Variants in DMD observed in about 807,000 individuals in gnomAD.
DMD encodes mutant dystrophin.
Under a neutral mutation model 330.1 loss-of-function variants are expected in DMD, and 63 were observed. The observed-to-expected ratio is 0.19, with a 90% CI of 0.16 to 0.24. The LOEUF is 0.24. DMD is among the 10% of genes least tolerant of loss of function. The pLI, the probability that DMD is intolerant of heterozygous loss-of-function variation, is 1.00. For missense variants in DMD, 3,344 were observed against 2,684.1 expected (o/e 1.25, Z -5.43); for synonymous variants, 1,223 against 959.8 (o/e 1.27, Z -5.07).
At chrX:31,158,331 A>C (rs1274165265) in intron 74 of DMD, among the ~76,000 whole-genome samples, 2 of 112,349 alleles carry the variant, frequency 1.8e-5, no homozygotes, top group Non-Finnish European at 3.7e-5. Context: ...ACGCTATGTG[A>C]AAGAAGCCAG....
intron 1 of DMD, among the ~76,000 whole-genome samples, chrX:33,081,929 T>G (rs2148246078): frequency 9.0e-6 from 1 of 110,718 alleles, no homozygotes; most frequent in South Asian, 3.8e-4. Flanking sequence ...GATCCATCTG[T>G]TTTTAATTCC....
intron 47 of DMD, among the ~76,000 whole-genome samples, chrX:31,913,245 A>G (rs67796040): frequency 0.28 from 31,662 of 111,292 alleles, 4,907 homozygotes; most frequent in African/African-American, 0.6. Flanking sequence ...GTTGCATAGC[A>G]TATATAACTG....
intron 1 of DMD, among the ~76,000 whole-genome samples, chrX:33,156,546 T>C (rs1398693940): frequency 8.9e-6 from 1 of 111,861 alleles, no homozygotes; most frequent in African/African-American, 3.3e-5. Flanking sequence ...GGCAGGAAGA[T>C]TTATTGGGGG....
At position 31,907,083 on chromosome X, in the gene DMD, G is replaced by T. The variant is rs765388216; in HGVS notation, c.6912+22513C>A. ...TTCAATTGATATCCATGATCTCCTTGTAAGTACCTGAGTACTGAAGCCAAC... is the reference window on the plus strand; with the variant it reads ...TTCAATTGATATCCATGATCTCCTTTTAAGTACCTGAGTACTGAAGCCAAC... On this transcript the variant is annotated intron_variant, in intron 47 of 78. Transcript: ENST00000357033. Among the ~76,000 whole-genome samples the T allele has an allele frequency of 2.5e-4, 28 of 111,961 alleles. No individual in the cohort carries two copies. The South Asian group carries it at 0.01, about 42-fold the overall frequency.
intron 2 of DMD, among the ~76,000 whole-genome samples, chrX:33,010,530 G>C (rs1291492412): frequency 9.1e-6 from 1 of 110,375 alleles, no homozygotes; most frequent in Non-Finnish European, 1.9e-5. Flanking sequence ...TTTTGGACTT[G>C]AGATGCTCAG....
intron 2 of DMD, among the ~76,000 whole-genome samples, chrX:32,932,129 C>T (rs1006262557): frequency 8.9e-6 from 1 of 112,143 alleles, no homozygotes; most frequent in Non-Finnish European, 1.9e-5. Flanking sequence ...GGGCTATTTC[C>T]GATTTTGGCT....
chrX:31,887,266 T>C (rs1174698997), intron 47 of DMD, among the ~76,000 whole-genome samples: 1 of 112,363 alleles, frequency 8.9e-6, no homozygotes, highest in Non-Finnish European at 1.9e-5. Context: ...TTCATAACTT[T>C]GAAAGTAAGT....
intron 1 of DMD, among the ~76,000 whole-genome samples, chrX:33,046,523 A>T (rs771716303): frequency 1.8e-5 from 2 of 112,014 alleles, no homozygotes; most frequent in South Asian, 7.4e-4. Context: ...AATACTATCA[A>T]CATGTAGAAA....
chrX:32,655,207 C>A (rs2060474028), intron 9 of DMD, among the ~76,000 whole-genome samples: 1 of 111,767 alleles, frequency 8.9e-6, no homozygotes. Context: ...TCTTGCTTCT[C>A]TAGTTCTTTT....
intron 9 of DMD, among the ~76,000 whole-genome samples, chrX:32,694,738 C>T (rs1184502373): frequency 8.9e-6 from 1 of 111,876 alleles, no homozygotes; most frequent in Non-Finnish European, 1.9e-5. Flanking sequence ...CTCACTGCAA[C>T]CTCCACCTCC....
chrX:32,744,168 T>C (rs2069672307), intron 7 of DMD, among the ~76,000 whole-genome samples: 1 of 110,377 alleles, frequency 9.1e-6, no homozygotes, highest in African/African-American at 3.3e-5. Flanking sequence ...GCAACCATCT[T>C]CTAGGAAGGA....
chrX:32,098,618 A>G (rs757242341), intron 44 of DMD, among the ~76,000 whole-genome samples: 4 of 111,847 alleles, frequency 3.6e-5, no homozygotes, highest in Admixed American at 9.5e-5. Context: ...TCCTAGCACA[A>G]TGTTTGGCAC....
At chrX:32,369,341 A>T (rs1040570512) in intron 34 of DMD, among the ~76,000 whole-genome samples, 2 of 111,430 alleles carry the variant, frequency 1.8e-5, no homozygotes, top group African/African-American at 6.5e-5. Flanking sequence ...GATGGGAAGG[A>T]TGAAGAATAC....
chrX:33,315,700 T>A (rs899729772), intron 1 of DMD, among the ~76,000 whole-genome samples: 3 of 112,153 alleles, frequency 2.7e-5, no homozygotes, highest in African/African-American at 9.7e-5. Context: ...CTTTTAAGAA[T>A]TATATGAGTC....
At chrX:32,970,157 A>C (rs2092329900) in intron 2 of DMD, among the ~76,000 whole-genome samples, 1 of 94,129 alleles carries the variant, frequency 1.1e-5, no homozygotes, top group Admixed American at 1.1e-4. Context: ...TCTTTGGATA[A>C]CCTTGTTTGA....
At chrX:31,751,939 G>A (rs1238503883) in intron 51 of DMD, among the ~76,000 whole-genome samples, 2 of 112,216 alleles carry the variant, frequency 1.8e-5, no homozygotes, top group Middle Eastern at 4.7e-3. Flanking sequence ...ATGTAGGGGA[G>A]GATTCTTTTC....
chrX:32,703,209 C>A (rs762264046), intron 7 of DMD, among the ~76,000 whole-genome samples: 1 of 111,635 alleles, frequency 9.0e-6, no homozygotes, highest in East Asian at 2.8e-4. Context: ...TCTGACTCCC[C>A]CCGCAAAACC....
chrX:32,436,668 C>T (rs1449796232), intron 29 of DMD, among the ~76,000 whole-genome samples: 1 of 111,536 alleles, frequency 9.0e-6, no homozygotes, highest in Admixed American at 9.5e-5. Context: ...AAATGTCAAA[C>T]ACTGAAGTTG....
intron 52 of DMD, among the ~76,000 whole-genome samples, chrX:31,700,707 T>A (rs2148862614): frequency 8.9e-6 from 1 of 112,243 alleles, no homozygotes; most frequent in East Asian, 2.8e-4. Flanking sequence ...AAATGTGATA[T>A]TATTTGATCA....
Sources: gnomAD v4.1 joint callset for allele counts (sites outside exome capture counted in the v4.1 genomes callset) on GRCh38, gnomAD v4.1.1 for gene constraint, MANE v1.5 for transcripts, NCBI Gene and HGNC (gene_info 2026-07-23, HGNC 2026-07-21) for gene names.